CASP10: variants seen among roughly 807,000 people sequenced by gnomAD.
CASP10 encodes the protein caspase 10, also known as caspase-10.
A neutral mutation model predicts 48.5 loss-of-function variants in CASP10; 41 were observed. The ratio of observed to expected loss-of-function variants is 0.85; its 90% confidence interval spans 0.66 to 1.10. The LOEUF (loss-of-function observed/expected upper bound fraction) is 1.10. CASP10 is among the 50% of genes least tolerant of loss of function. The probability of loss-of-function intolerance (pLI) is 0.00; values close to 1 mark genes in which losing one functional copy is unlikely to be tolerated. For synonymous variants in CASP10, 232 were observed against 238.4 expected (o/e 0.97, Z 0.25); for missense variants, 614 against 614.5 (o/e 1.00, Z 0.01).
chr2:201,185,981 G>A lies in CASP10; in HGVS notation c.204G>A (p.Glu68=). The change falls in exon 2 of 10, where the codon GAG becomes GAA. Residue 68 remains glutamate (E), a synonymous_variant. Coordinates refer to ENST00000286186, the MANE Select transcript of CASP10 (RefSeq NM_032977.4). ...ATGTTTTTGAACATCTCTTGGCAGA[G>A]GATCTGCTGAGTGAGGAAGACCCTT... ...ASDVFEHLLA[E]DLLSEEDPFF... The A allele has an allele frequency of 6.2e-7, 1 of 1,613,946 alleles. No individual in the cohort carries two copies. The highest frequency in any genetic ancestry group is 1.7e-5 in the Admixed American group (1 of 60,004).
intron 5 of CASP10, among the ~76,000 whole-genome samples, chr2:201,197,286 A>G (rs1387656334): frequency 1.3e-5 from 2 of 152,100 alleles, no homozygotes; most frequent in Non-Finnish European, 2.9e-5. Flanking sequence ...CACATACCAT[A>G]TAATGAAACC....
At chr2:201,200,418 A>G (rs1944973241) in intron 5 of CASP10, 1 of 1,596,174 alleles carries the variant, frequency 6.3e-7, no homozygotes, top group Non-Finnish European at 8.5e-7. Context: ...TTCTACTGTA[A>G]AGAAGGACCC....
downstream of CASP10, among the ~76,000 whole-genome samples, chr2:201,222,150 C>A (rs981610041): frequency 6.6e-6 from 1 of 151,828 alleles, no homozygotes; most frequent in Non-Finnish European, 1.5e-5. Flanking sequence ...TATATTTTGC[C>A]TAGTTGTACT....
At chr2:201,185,652 T>C in intron 1 of CASP10, 119 bp from the exon 2 acceptor site, 1 of 753,582 alleles carries the variant, frequency 1.3e-6, no homozygotes, top group Non-Finnish European at 2.4e-6. Flanking sequence ...TTTTCAGCAC[T>C]TCTAGGAAAG....
At chr2:201,206,312 A>G (rs1945202620) in intron 7 of CASP10, 2 of 201,242 alleles carry the variant, frequency 9.9e-6, no homozygotes, top group Non-Finnish European at 2.1e-5. Flanking sequence ...ATAAAGATGT[A>G]CCACGATTTC....
At chr2:201,203,603 G>A (rs138103508) in intron 5 of CASP10, 127 bp from the exon 6 acceptor site, 99 of 870,308 alleles carry the variant, frequency 1.1e-4, no homozygotes, top group African/African-American at 3.6e-4. Context: ...CACCGCAACC[G>A]GCCCAATGAC....
intron 5 of CASP10, among the ~76,000 whole-genome samples, chr2:201,200,938 A>G (rs10166093): frequency 0.11 from 17,273 of 152,144 alleles, 2,026 homozygotes; most frequent in African/African-American, 0.3. Flanking sequence ...TTCTTTTACT[A>G]TAATCCAATT....
rs774542679 is a variant in CASP10, at chr2:201,185,859, G to A, written c.82G>A (p.Asp28Asn). Residue 28 changes from aspartate to asparagine, a missense_variant, in exon 2 of 10, where the codon GAT becomes AAT. Asp to Asn is a conservative substitution (Grantham distance 23). Transcript: ENST00000286186. The stretch of plus-strand genomic sequence containing the variant: ...CTTTCGTGAGAAGCTTCTGATTATT[G>A]ATTCAAACCTGGGGGTCCAAGATGT... ...VSFREKLLII[D>N]SNLGVQDVEN... 1 of 1,614,100 alleles carries A rather than the reference G, an allele frequency of 6.2e-7. No homozygotes were observed. Among genetic ancestry groups the A allele is most frequent in the Admixed American group, 1.7e-5 (1 of 60,014 alleles).
intron 2 of CASP10, 166 bp downstream of exon 2, chr2:201,186,290 A>G: frequency 4.7e-6 from 3 of 641,030 alleles, no homozygotes; most frequent in South Asian, 3.6e-5. Flanking sequence ...TGCTAATGAG[A>G]TAAGAGTTGG....
At position 201,221,503 on chromosome 2, in the gene CASP10, C is replaced by T. The variant is rs1336591964; in HGVS notation, c.*3762C>T. 1 of 158,280 alleles carries T rather than the reference C, an allele frequency of 6.3e-6. No individual in the cohort carries two copies. Among genetic ancestry groups the T allele is most frequent in the East Asian group, 1.9e-4 (1 of 5,204 alleles). 9.8% of individuals were successfully genotyped at this position (158,280 alleles called of 1,614,324 possible). ...GCTCCCCCAGTGAGCACCTTGTGACCCCCATCCCTGCCAGCCAGAGAACAA... is the reference window on the plus strand; with the variant it reads ...GCTCCCCCAGTGAGCACCTTGTGACTCCCATCCCTGCCAGCCAGAGAACAA... On this transcript the variant is annotated 3_prime_UTR_variant, in exon 10 of 10. Transcript: ENST00000286186.
In CASP10 at chr2:201,219,409, A is replaced by G; in HGVS notation, c.*1668A>G. On this transcript the variant is annotated 3_prime_UTR_variant, in exon 10 of 10. Transcript: ENST00000286186. ...GGAGTGGATAACACTGGCTTCAGGCAAAGCTTGAATCAGGACTCAATCTAC... is the reference window on the plus strand; with the variant it reads ...GGAGTGGATAACACTGGCTTCAGGCGAAGCTTGAATCAGGACTCAATCTAC... The G allele has an allele frequency of 1.0e-6, 1 of 984,120 alleles. No individual in the cohort carries two copies. The highest frequency in any genetic ancestry group is 1.2e-6 in the Non-Finnish European group (1 of 828,690). The allele number at this position is 984,120 out of a possible 1,614,324, so 61.0% of individuals were successfully genotyped here.
intron 5 of CASP10, 72 bp downstream of exon 5, chr2:201,196,020 CA>C (rs1944783687): frequency 3.0e-6 from 3 of 1,015,232 alleles, no homozygotes; most frequent in South Asian, 1.3e-5. Context: ...CCTGCCACCC[CA>C]AAAAAGAAAA....
Position 201,209,162 on chromosome 2 carries a change from C to T in CASP10, c.1015C>T (p.Gln339Ter), listed in dbSNP as rs111775921. 6.2e-7 allele frequency: 1 copy of T among 1,611,980 alleles called. No homozygotes were observed. Among genetic ancestry groups the T allele is most frequent in the Non-Finnish European group, 8.5e-7 (1 of 1,179,062 alleles). Reference protein sequence around the residue: ...KVEMEMVLQKQKCNPAHADGD... With the variant: ...KVEMEMVLQK Reference sequence around the variant, plus strand: ...GGAAATGGAGATGGTCCTGCAGAAGCAGAAGTGCAATCCAGCCCATGCCGA... The same window carrying T: ...GGAAATGGAGATGGTCCTGCAGAAGTAGAAGTGCAATCCAGCCCATGCCGA... The change falls in exon 9 of 10, where the codon CAG (glutamine) becomes TAG (stop). Residue 339 changes from glutamine to a stop codon, truncating the protein, a stop_gained. Transcript: ENST00000286186. LOFTEE classifies it high-confidence loss of function.
At chr2:201,212,053 A>G (rs1001393053) in intron 9 of CASP10, among the ~76,000 whole-genome samples, 11 of 152,064 alleles carry the variant, frequency 7.2e-5, no homozygotes, top group Non-Finnish European at 1.6e-4. Flanking sequence ...GGTTCAAGCA[A>G]TTCTTCTGCC....
intron 9 of CASP10, chr2:201,228,844 G>C: frequency 8.7e-7 from 1 of 1,143,562 alleles, no homozygotes; most frequent in African/African-American, 1.5e-5. Flanking sequence ...CCATAAAAAA[G>C]CTATGCCGGG....
chr2:201,194,540 A>G (rs1251826632), intron 4 of CASP10, among the ~76,000 whole-genome samples: 2 of 152,252 alleles, frequency 1.3e-5, no homozygotes, highest in South Asian at 4.1e-4. Flanking sequence ...TCATCAAATT[A>G]TCAAATGAGA....
chr2:201,228,858 C>A, intron 9 of CASP10: 20 of 1,376,176 alleles, frequency 1.5e-5, no homozygotes, highest in Non-Finnish European at 1.8e-5. Flanking sequence ...TGCCGGGGTC[C>A]AGCCTCTCCA....
Position 201,185,798 on chromosome 2 carries a change from T to A in CASP10, c.21T>A (p.His7Gln). The change falls in exon 2 of 10, where the codon CAT becomes CAA. Residue 7 changes from histidine to glutamine, a missense_variant. Coordinates refer to ENST00000286186, the MANE Select transcript of CASP10 (RefSeq NM_032977.4). MKSQGQ[H>Q]WYSSSDKNCK... Reference sequence around the variant, plus strand: ...TGGCCATGAAATCTCAAGGTCAACATTGGTATTCCAGTTCAGATAAAAACT... The same window carrying A: ...TGGCCATGAAATCTCAAGGTCAACAATGGTATTCCAGTTCAGATAAAAACT... 6.2e-7 allele frequency: 1 copy of A among 1,613,352 alleles called. No homozygotes were observed. Among genetic ancestry groups the A allele is most frequent in the Non-Finnish European group, 8.5e-7 (1 of 1,179,366 alleles).
chr2:201,213,466 T>G (rs1425125972), intron 9 of CASP10: 2 of 152,178 alleles, frequency 1.3e-5, no homozygotes, highest in African/African-American at 4.8e-5. Flanking sequence ...GTGATTAATA[T>G]ATTAAGTCCT....
Sources: gnomAD v4.1 joint callset for allele counts (sites outside exome capture counted in the v4.1 genomes callset) on GRCh38, gnomAD v4.1.1 for gene constraint, MANE v1.5 for transcripts, NCBI Gene and HGNC (gene_info 2026-07-23, HGNC 2026-07-21) for gene names.